ITGB2: variants seen among roughly 807,000 people sequenced by gnomAD.
ITGB2 encodes integrin subunit beta 2.
A neutral mutation model predicts 86.8 loss-of-function variants in ITGB2; 56 were observed. That is an observed-to-expected ratio of 0.65 (90% CI 0.52 to 0.81). ITGB2 has a LOEUF of 0.81. Ranked by LOEUF, ITGB2 falls within the 30% of genes least tolerant of loss-of-function variation. The probability of loss-of-function intolerance (pLI) is 0.00; values close to 1 mark genes in which losing one functional copy is unlikely to be tolerated. For synonymous variants in ITGB2, 457 were observed against 450.4 expected, an observed-to-expected ratio of 1.01 and a Z score of -0.19; for missense variants, 948 against 1,061.2, an observed-to-expected ratio of 0.89 and a Z score of 1.48.
chr21:44,900,601 T>C, intron 6 of ITGB2, 126 bp from the exon 7 acceptor site: 1 of 1,183,086 alleles, frequency 8.5e-7, no homozygotes, highest in Non-Finnish European at 1.2e-6. Context: ...CCCTTTCCCC[T>C]GGGTCTCAGG....
chr21:44,886,519 C>G, intron 15 of ITGB2, 89 bp from the exon 16 acceptor site: 1 of 1,484,716 alleles, frequency 6.7e-7, no homozygotes, highest in Non-Finnish European at 9.4e-7. Flanking sequence ...GCATGGAAGC[C>G]GTCACTTTGA....
chr21:44,927,015 A>T (rs1208574508), intron 1 of ITGB2: 2 of 152,248 alleles, frequency 1.3e-5, no homozygotes, highest in African/African-American at 4.8e-5. Context: ...GTGAGCATAG[A>T]TGGGGAAGGA....
At chr21:44,917,162 C>T (rs1045278744) in intron 1 of ITGB2, among the ~76,000 whole-genome samples, 1 of 152,148 alleles carries the variant, frequency 6.6e-6, no homozygotes, top group Non-Finnish European at 1.5e-5. Flanking sequence ...GGATTTCAGC[C>T]AAAATATCTT....
rs141654486 is a variant in ITGB2 at position 44,909,404 on chromosome 21, G to A, written c.147+880C>T. On this transcript the variant is annotated intron_variant, in intron 3 of 15. Transcript: ENST00000652462. ...CAAAGCTGCTCTCCTGACTTCCTCA[G>A]AAACGCCCAAGGACAGGAAAGACAA... The A allele has an allele frequency of 1.2e-4, 18 of 152,466 alleles. 1 individual carries two copies. The East Asian group carries it at 3.5e-3, about 29-fold the overall frequency. 9.4% of individuals were successfully genotyped at this position (152,466 alleles called of 1,614,324 possible).
chr21:44,925,472 G>GAAGGAAGA (rs1555864691), upstream of ITGB2, among the ~76,000 whole-genome samples: 5 of 145,148 alleles, frequency 3.4e-5, no homozygotes, highest in African/African-American at 1.3e-4. Context: ...AGGAAGGAAG[G>GAAGGAAGA]AAGGAAGGAA....
rs764298144 is a variant in ITGB2 at position 44,886,868 on chromosome 21, G to A, written c.2115C>T (p.Val705=). 6.8e-6 allele frequency: 11 copies of A among 1,613,418 alleles called. No individual in the cohort carries two copies. The highest frequency in any genetic ancestry group is 4.0e-5 in the African/African-American group (3 of 74,914). ...GCACGATGCCTGCCACGGTGCCCCC[G>A]ACGATGGCGGCGATGTTGGGGCCTG... ...CVAGPNIAAI[V]GGTVAGIVLI... The change falls in exon 15 of 16, where the codon GTC becomes GTT. Residue 705 remains valine, a synonymous_variant. Coordinates refer to ENST00000652462, the MANE Select transcript of ITGB2 (RefSeq NM_000211.5).
intron 10 of ITGB2, chr21:44,893,138 G>C (rs899505883): frequency 2.4e-5 from 10 of 423,680 alleles, no homozygotes; most frequent in African/African-American, 1.8e-4. Context: ...CCTGACATCA[G>C]CTTCACAAGG....
intron 12 of ITGB2, 97 bp from the exon 13 acceptor site, chr21:44,889,592 T>A: frequency 9.0e-7 from 1 of 1,110,120 alleles, no homozygotes; most frequent in Non-Finnish European, 1.3e-6. Context: ...CCCGCCTGCC[T>A]CCTCCAGCCT....
rs563383251 is a variant in ITGB2 at position 44,904,951 on chromosome 21, T to C, written c.329-1416A>G. ...GCCTTGCAGCCCTCAGAGGCTTCAC[T>C]TGGCCTCTGGGCCAAGGACCCCAAT... is the stretch of plus-strand genomic sequence containing the variant. On this transcript the variant is annotated intron_variant, in intron 4 of 15. Transcript: ENST00000652462. Among the ~76,000 whole-genome samples the C allele has an allele frequency of 7.9e-5, 12 of 152,374 alleles. No homozygotes were observed. In the East Asian group the frequency reaches 2.3e-3, roughly 29 times the overall value.
upstream of ITGB2, among the ~76,000 whole-genome samples, chr21:44,923,969 T>A (rs1462251941): frequency 2.0e-5 from 3 of 152,214 alleles, no homozygotes; most frequent in East Asian, 5.8e-4. Flanking sequence ...ATGCATCAAA[T>A]GGACAAAGGA....
chr21:44,912,044 G>A (rs2084142062), intron 1 of ITGB2, among the ~76,000 whole-genome samples: 1 of 152,198 alleles, frequency 6.6e-6, no homozygotes, highest in Admixed American at 6.5e-5. Context: ...TCCTGTCATG[G>A]TGGGCAGGAA....
intron 1 of ITGB2, among the ~76,000 whole-genome samples, chr21:44,918,998 T>TCCCCTCTCCCAGCCCTCGGAGCTGAGCG (rs1555861633): frequency 1.7e-5 from 1 of 57,734 alleles, no homozygotes; most frequent in Non-Finnish European, 3.1e-5. Flanking sequence ...GAGCTGAGCA[T>TCCCCTCTCCCAGCCCTCGGAGCTGAGCG]TCCCCTCTCC....
At chr21:44,915,495 G>C (rs970788083) in intron 1 of ITGB2, among the ~76,000 whole-genome samples, 1 of 152,212 alleles carries the variant, frequency 6.6e-6, no homozygotes, top group Non-Finnish European at 1.5e-5. Context: ...TCGGAGGTGC[G>C]CGGGAAGTGA....
rs984333477 is a variant in ITGB2 at position 44,886,365 on chromosome 21, C to G, written c.*3G>C. On this transcript the variant is annotated 3_prime_UTR_variant, in exon 16 of 16. Coordinates refer to ENST00000652462, the MANE Select transcript of ITGB2 (RefSeq NM_000211.5). The stretch of plus-strand genomic sequence containing the variant: ...CTGACGGCCTTGTCTTCACCAAGTG[C>G]TCCTAACTCTCAGCAAACTTGGGGT... The G allele has an allele frequency of 2.5e-6, 4 of 1,613,826 alleles. No homozygotes were observed. The highest frequency in any genetic ancestry group is 3.4e-6 in the Non-Finnish European group (4 of 1,179,820).
At chr21:44,902,423 G>A (rs2083975089) in intron 5 of ITGB2, among the ~76,000 whole-genome samples, 2 of 151,970 alleles carry the variant, frequency 1.3e-5, no homozygotes, top group East Asian at 2.0e-4. Flanking sequence ...ATACATTCGC[G>A]TGTGTGAGCA....
At chr21:44,923,741 C>T (rs748180819), upstream of ITGB2, among the ~76,000 whole-genome samples, 14 of 152,044 alleles carry the variant, frequency 9.2e-5, no homozygotes, top group Non-Finnish European at 1.6e-4. Context: ...CTTAATGCCA[C>T]GGAAATGCAT....
chr21:44,918,998 T>TCCCCTCTCCCAGCACCCGGAGCTGAGCG (rs1555861633), intron 1 of ITGB2, among the ~76,000 whole-genome samples: 2 of 57,734 alleles, frequency 3.5e-5, no homozygotes, highest in African/African-American at 1.4e-4. Flanking sequence ...GAGCTGAGCA[T>TCCCCTCTCCCAGCACCCGGAGCTGAGCG]TCCCCTCTCC....
chr21:44,896,044 C>CTCCCGCCTGCGGTGTGAGTGA (rs1489868335), intron 8 of ITGB2, among the ~76,000 whole-genome samples: 1 of 151,102 alleles, frequency 6.6e-6, no homozygotes, highest in East Asian at 1.9e-4. Context: ...GGTGTGAGTG[C>CTCCCGCCTGCGGTGTGAGTGA]TCCCGCCTGC....
Position 44,900,478 on chromosome 21 carries a change from GAGA to G in ITGB2, c.742-6_742-4del. On this transcript the variant is annotated splice_region_variant and splice_polypyrimidine_tract_variant and intron_variant, in intron 6 of 15. Transcript: ENST00000652462. ...ACGTTGCGCCAGCCGATTTCCTCCT[GAGA>G]AGAAGGCGTGGGGGGCAGGGTTACC... is the stretch of plus-strand genomic sequence containing the variant. The G allele has an allele frequency of 1.9e-6, 3 of 1,613,852 alleles. No homozygotes were observed. Among genetic ancestry groups the G allele is most frequent in the Non-Finnish European group, 2.5e-6 (3 of 1,179,948 alleles).
Sources: gnomAD v4.1 joint callset for allele counts (sites outside exome capture counted in the v4.1 genomes callset) on GRCh38, gnomAD v4.1.1 for gene constraint, MANE v1.5 for transcripts, NCBI Gene and HGNC (gene_info 2026-07-23, HGNC 2026-07-21) for gene names.